DCAF1: variants seen among roughly 807,000 people sequenced by gnomAD.
The protein encoded by DCAF1 is DDB1 and CUL4 associated factor 1.
Under a neutral mutation model 128.0 loss-of-function variants are expected in DCAF1, and 15 were observed. That is an observed-to-expected ratio of 0.12 (90% CI 0.08 to 0.18). DCAF1 has a LOEUF of 0.18. Among genes scored for constraint, DCAF1 ranks in the 10% least tolerant of loss-of-function variants. The pLI is 1.00. For missense variants in DCAF1, 988 were observed against 1,649.5 expected, an observed-to-expected ratio of 0.60 and a Z score of 6.95; for synonymous variants, 610 against 603.0, an observed-to-expected ratio of 1.01 and a Z score of -0.17.
chr3:51,452,049 T>C (rs1055647314), intron 6 of DCAF1, among the ~76,000 whole-genome samples: 2 of 152,104 alleles, frequency 1.3e-5, no homozygotes, highest in Non-Finnish European at 1.5e-5. Flanking sequence ...GAGCAATAAG[T>C]CTTTTTCTTT....
At chr3:51,399,597 G>C (rs77601270) in intron 24 of DCAF1, among the ~76,000 whole-genome samples, 2,119 of 152,186 alleles carry the variant, frequency 0.014, 38 homozygotes, top group Non-Finnish European at 0.016. Flanking sequence ...TCTGTTAAGG[G>C]GTGAAACTTA....
intron 7 of DCAF1, among the ~76,000 whole-genome samples, chr3:51,442,169 A>G (rs1553639006): frequency 6.6e-6 from 1 of 152,200 alleles, no homozygotes; most frequent in African/African-American, 2.4e-5. Context: ...GTTTGGGTCA[A>G]GTTGACCTGG....
At chr3:51,473,122 C>A (rs1704958422) in intron 3 of DCAF1, among the ~76,000 whole-genome samples, 1 of 150,808 alleles carries the variant, frequency 6.6e-6, no homozygotes, top group African/African-American at 2.4e-5. Flanking sequence ...ACTAAAAATA[C>A]AAAATTAACC....
intron 6 of DCAF1, among the ~76,000 whole-genome samples, chr3:51,462,836 C>G (rs1156746247): frequency 6.6e-6 from 1 of 151,516 alleles, no homozygotes; most frequent in African/African-American, 2.4e-5. Flanking sequence ...CGCAGAGGCT[C>G]ACGACTATAA....
At chr3:51,404,045 G>A (rs1452185940) in intron 23 of DCAF1, among the ~76,000 whole-genome samples, 1 of 152,218 alleles carries the variant, frequency 6.6e-6, no homozygotes, top group Non-Finnish European at 1.5e-5. Flanking sequence ...ACTTGCAAAG[G>A]CAAGAAAATT....
intron 5 of DCAF1, among the ~76,000 whole-genome samples, chr3:51,464,791 G>T (rs1275006023): frequency 1.3e-5 from 2 of 152,096 alleles, no homozygotes; most frequent in East Asian, 3.8e-4. Context: ...CCCTGAAGAA[G>T]AATCAGAGAA....
chr3:51,447,006 T>A, intron 6 of DCAF1, among the ~76,000 whole-genome samples: 1 of 61,036 alleles, frequency 1.6e-5, no homozygotes, highest in African/African-American at 6.3e-5. Flanking sequence ...TAATAAAATG[T>A]TTTAAATATT....
rs1698961559 is a variant in DCAF1, at chr3:51,417,243, C to T, written c.3519-372G>A. Among the ~76,000 whole-genome samples, 2 of 152,080 alleles carry T rather than the reference C, an allele frequency of 1.3e-5. 1 individual carries two copies. Among genetic ancestry groups the T allele is most frequent in the South Asian group, 4.1e-4 (2 of 4,828 alleles). Reference sequence around the variant, plus strand: ...GACCACCCTGGGCAACATGTCGAAACCCTATCTCTATCAAAAATGCAAAAA... The same window carrying T: ...GACCACCCTGGGCAACATGTCGAAATCCTATCTCTATCAAAAATGCAAAAA... On this transcript the variant is annotated intron_variant, in intron 17 of 24. Transcript: ENST00000684031.
At chr3:51,462,519 G>T (rs1276419715) in intron 6 of DCAF1, among the ~76,000 whole-genome samples, 1 of 152,178 alleles carries the variant, frequency 6.6e-6, no homozygotes, top group Non-Finnish European at 1.5e-5. Flanking sequence ...GCCGAGGCAG[G>T]TGGATCACCT....
intron 2 of DCAF1, among the ~76,000 whole-genome samples, chr3:51,488,006 A>G (rs1553656197): frequency 6.6e-6 from 1 of 152,060 alleles, no homozygotes; most frequent in African/African-American, 2.4e-5. Flanking sequence ...CTGGGGCTAC[A>G]GGCACGCGCC....
chr3:51,466,939 T>G (rs1704186071), intron 4 of DCAF1, 63 bp from the exon 5 acceptor site: 2 of 1,510,896 alleles, frequency 1.3e-6, no homozygotes, highest in Non-Finnish European at 1.8e-6. Context: ...TCAAGCAACT[T>G]AGACCTCTGG....
intron 3 of DCAF1, among the ~76,000 whole-genome samples, chr3:51,481,434 G>A (rs1373680143): frequency 6.6e-6 from 1 of 152,196 alleles, no homozygotes; most frequent in African/African-American, 2.4e-5. Context: ...GCTCACTCCT[G>A]TAATCCCAGC....
At chr3:51,402,372 A>T (rs2089770346) in intron 24 of DCAF1, among the ~76,000 whole-genome samples, 1 of 152,114 alleles carries the variant, frequency 6.6e-6, no homozygotes, top group Admixed American at 6.5e-5. Context: ...GGAGAGCTAC[A>T]CTTTGGCCTT....
chr3:51,434,984 GAT>G (rs1700686510), intron 9 of DCAF1, among the ~76,000 whole-genome samples: 1 of 152,170 alleles, frequency 6.6e-6, no homozygotes, highest in African/African-American at 2.4e-5. Context: ...GTAATTACAT[GAT>G]ATGATATCTG....
At chr3:51,460,576 G>A (rs1559539712) in intron 6 of DCAF1, among the ~76,000 whole-genome samples, 1 of 151,778 alleles carries the variant, frequency 6.6e-6, no homozygotes, top group Non-Finnish European at 1.5e-5. Flanking sequence ...AGTTCATATG[G>A]AACCAAAAAA....
Position 51,454,858 on chromosome 3 carries a change from A to G in DCAF1, c.375+8256T>C, listed in dbSNP as rs191595504. ...CCGGCTAATTTTTTGTATTTTTAGTAGAGACGGGGTTTCACTGTGTTAGCC... is the reference window on the plus strand; with the variant it reads ...CCGGCTAATTTTTTGTATTTTTAGTGGAGACGGGGTTTCACTGTGTTAGCC... On this transcript the variant is annotated intron_variant, in intron 6 of 24. Transcript: ENST00000684031. Among the ~76,000 whole-genome samples, 520 of 151,944 alleles carry G rather than the reference A, an allele frequency of 3.4e-3. 3 individuals carry two copies. The highest frequency in any genetic ancestry group is 0.012 in the African/African-American group (487 of 41,432).
chr3:51,416,105 C>A (rs1008797070), intron 18 of DCAF1, among the ~76,000 whole-genome samples: 1 of 152,092 alleles, frequency 6.6e-6, no homozygotes, highest in African/African-American at 2.4e-5. Flanking sequence ...CAGAGTCACA[C>A]TTCAGGAACT....
intron 9 of DCAF1, among the ~76,000 whole-genome samples, chr3:51,439,639 G>A (rs1701182115): frequency 6.6e-6 from 1 of 151,694 alleles, no homozygotes; most frequent in Non-Finnish European, 1.5e-5. Context: ...CTCATTTTCT[G>A]GTTTCTATTT....
rs1034561159 is a variant in DCAF1, at chr3:51,478,012, T to C, written c.110+5707A>G. Among the ~76,000 whole-genome samples the C allele has an allele frequency of 1.1e-4, 16 of 151,342 alleles. 1 individual carries two copies. Among genetic ancestry groups the C allele is most frequent in the South Asian group, 6.2e-4 (3 of 4,822 alleles). ...ATTGTTCCTTATCTGTTAGTTTTTG[T>C]TGTTGTTGTTGTTGAGACAGAGTCT... On this transcript the variant is annotated intron_variant, in intron 3 of 24. Transcript: ENST00000684031.
Sources: gnomAD v4.1 joint callset for allele counts (sites outside exome capture counted in the v4.1 genomes callset) on GRCh38, gnomAD v4.1.1 for gene constraint, MANE v1.5 for transcripts, NCBI Gene and HGNC (gene_info 2026-07-23, HGNC 2026-07-21) for gene names.